Variants in HS3ST4 observed in about 807,000 individuals in gnomAD.
HS3ST4 encodes heparan sulfate-glucosamine 3-sulfotransferase 4.
HS3ST4 carries 17 observed loss-of-function variants against 29.2 expected under a neutral mutation model. The ratio of observed to expected loss-of-function variants is 0.58; its 90% CI spans 0.40 to 0.87. The LOEUF (loss-of-function observed/expected upper bound fraction) is 0.87. Ranked by LOEUF, HS3ST4 falls within the 40% of genes least tolerant of loss-of-function variation. HS3ST4 has a pLI of 0.00. For missense variants in HS3ST4, 627 were observed against 634.5 expected (o/e 0.99, Z 0.13); for synonymous variants, 314 against 285.7 (o/e 1.10, Z -1.00).
intron 1 of HS3ST4, among the ~76,000 whole-genome samples, chr16:26,083,966 G>C (rs1006058492): frequency 6.6e-6 from 1 of 152,176 alleles, no homozygotes; most frequent in Non-Finnish European, 1.5e-5. Flanking sequence ...AATTACAGTA[G>C]AGTGTCAAAT....
intron 1 of HS3ST4, among the ~76,000 whole-genome samples, chr16:25,995,078 C>T (rs777354194): frequency 2.0e-5 from 3 of 152,146 alleles, no homozygotes; most frequent in African/African-American, 4.8e-5. Context: ...TCATAGCAGG[C>T]TGAGAATGTG....
At chr16:25,826,074 A>G (rs1377716816) in intron 1 of HS3ST4, 1 of 152,240 alleles carries the variant, frequency 6.6e-6, no homozygotes, top group East Asian at 1.9e-4. Context: ...ATCTCATCCA[A>G]TATGACAAAC....
intron 1 of HS3ST4, among the ~76,000 whole-genome samples, chr16:26,060,645 T>C (rs980613142): frequency 2.6e-5 from 4 of 152,192 alleles, no homozygotes; most frequent in Non-Finnish European, 5.9e-5. Context: ...AGGTGGGAGA[T>C]AGCCAAGGTC....
chr16:25,848,255 C>T (rs1967485069), intron 1 of HS3ST4, among the ~76,000 whole-genome samples: 8 of 152,130 alleles, frequency 5.3e-5, no homozygotes, highest in Non-Finnish European at 1.2e-4. Flanking sequence ...TCTCCTGCCT[C>T]AGCCTCCTGA....
At chr16:25,765,650 CT>C (rs1352090503) in intron 1 of HS3ST4, among the ~76,000 whole-genome samples, 3 of 152,176 alleles carry the variant, frequency 2.0e-5, no homozygotes, top group African/African-American at 7.2e-5. Flanking sequence ...CAGAGCATTT[CT>C]TGGTTAATTT....
intron 1 of HS3ST4, among the ~76,000 whole-genome samples, chr16:26,049,404 G>GGTCT (rs750662212): frequency 0.017 from 2,481 of 148,120 alleles, 83 homozygotes; most frequent in African/African-American, 0.058. Flanking sequence ...TACATCCGGA[G>GGTCT]AATGATGTGG....
intron 1 of HS3ST4, among the ~76,000 whole-genome samples, chr16:25,854,789 C>CAAA (rs34307442): frequency 2.2e-5 from 3 of 138,214 alleles, no homozygotes; most frequent in African/African-American, 8.0e-5. Context: ...TGTTTGTTGA[C>CAAA]AAAAAAAAAA....
chr16:25,817,456 A>G (rs1967104693), intron 1 of HS3ST4, among the ~76,000 whole-genome samples: 1 of 152,198 alleles, frequency 6.6e-6, no homozygotes, highest in Non-Finnish European at 1.5e-5. Flanking sequence ...GCCATAGATA[A>G]TATGTAAATG....
At chr16:26,028,950 C>G (rs1030920495) in intron 1 of HS3ST4, 1 of 152,276 alleles carries the variant, frequency 6.6e-6, no homozygotes, top group African/African-American at 2.4e-5. Flanking sequence ...CCGATCTCGT[C>G]TGATCTTGGA....
At chr16:25,738,485 C>G (rs1157368248) in intron 1 of HS3ST4, among the ~76,000 whole-genome samples, 5 of 152,158 alleles carry the variant, frequency 3.3e-5, no homozygotes, top group Non-Finnish European at 7.3e-5. Context: ...GGGAAGTGGG[C>G]AGGGACATTT....
Position 25,748,228 on chromosome 16 carries a change from T to C in HS3ST4, c.734+55077T>C, listed in dbSNP as rs1255615701. ...CACATATGGCATAAGTATTTCTTTC[T>C]TAATGGTTGCATGCCGCTCCCCTCC... On this transcript the variant is annotated intron_variant, in intron 1 of 1. Coordinates refer to ENST00000331351, the MANE Select transcript of HS3ST4 (RefSeq NM_006040.3). 3.3e-5 allele frequency among the ~76,000 whole-genome samples: 5 copies of C among 152,304 alleles called. No homozygotes were observed. The East Asian group carries it at 9.6e-4, about 29-fold the overall frequency.
intron 1 of HS3ST4, among the ~76,000 whole-genome samples, chr16:25,821,908 AG>A (rs1967161247): frequency 6.6e-6 from 1 of 152,138 alleles, no homozygotes. Context: ...AGAAAAAAAA[AG>A]GTTTTCTCTT....
intron 1 of HS3ST4, among the ~76,000 whole-genome samples, chr16:25,716,752 T>C (rs150095585): frequency 4.8e-4 from 73 of 152,208 alleles, no homozygotes; most frequent in African/African-American, 1.7e-3. Context: ...ATTTTACAGA[T>C]AAATAAAGAA....
chr16:26,065,541 G>A (rs1039093351), intron 1 of HS3ST4, among the ~76,000 whole-genome samples: 25 of 152,184 alleles, frequency 1.6e-4, no homozygotes, highest in African/African-American at 6.0e-4. Context: ...TAATACATGG[G>A]TGATGAAATA....
chr16:26,122,011 G>GA (rs1429930840), intron 1 of HS3ST4, among the ~76,000 whole-genome samples: 1 of 152,138 alleles, frequency 6.6e-6, no homozygotes, highest in Non-Finnish European at 1.5e-5. Flanking sequence ...TCACAAAAGA[G>GA]AAAAGAGTAG....
rs1253703839 is a variant in HS3ST4 at position 25,950,745 on chromosome 16, C to G, written c.735-184867C>G. On this transcript the variant is annotated intron_variant, in intron 1 of 1. Coordinates refer to ENST00000331351, the MANE Select transcript of HS3ST4 (RefSeq NM_006040.3). ...GACTTTGGAGTCCCACAGACTTGCA[C>G]AGCATGTTGCATTGATCAGCTGAGC... 3.3e-5 allele frequency among the ~76,000 whole-genome samples: 5 copies of G among 152,088 alleles called. No individual in the cohort carries two copies. In the East Asian group the frequency reaches 9.7e-4, roughly 29 times the overall value.
At chr16:26,030,001 G>A (rs527816546) in intron 1 of HS3ST4, among the ~76,000 whole-genome samples, 6 of 152,226 alleles carry the variant, frequency 3.9e-5, no homozygotes, top group Admixed American at 1.3e-4. Flanking sequence ...CCCATCGTTC[G>A]CTCTTTGTGA....
At chr16:26,016,370 G>A (rs1293883646) in intron 1 of HS3ST4, among the ~76,000 whole-genome samples, 1 of 152,182 alleles carries the variant, frequency 6.6e-6, no homozygotes, top group East Asian at 1.9e-4. Context: ...GAAGCTACGT[G>A]AACAGGGCAT....
rs56776414 is a variant in HS3ST4, at chr16:25,743,162, G to T, written c.734+50011G>T. The stretch of plus-strand genomic sequence containing the variant: ...TGCATGTTTCAGTGAGGAAGAGGCA[G>T]TGTAGCCTCCTGGTGATGACTGTGT... On this transcript the variant is annotated intron_variant, in intron 1 of 1. Coordinates refer to ENST00000331351, the MANE Select transcript of HS3ST4 (RefSeq NM_006040.3). Among the ~76,000 whole-genome samples the T allele has an allele frequency of 3.1e-3, 476 of 152,326 alleles. 3 individuals carry two copies. Among genetic ancestry groups the T allele is most frequent in the African/African-American group, 0.011 (440 of 41,584 alleles).
Sources: gnomAD v4.1 joint callset for allele counts (sites outside exome capture counted in the v4.1 genomes callset) on GRCh38, gnomAD v4.1.1 for gene constraint, MANE v1.5 for transcripts, NCBI Gene and HGNC (gene_info 2026-07-23, HGNC 2026-07-21) for gene names.